The following RALGPS2 variants were observed in gnomAD, a reference collection of about 807,000 sequenced individuals.
RALGPS2 encodes ras-specific guanine nucleotide-releasing factor RalGPS2.
In RALGPS2, 43 loss-of-function variants were observed where a neutral mutation model predicts 86.8. That is an observed-to-expected ratio of 0.50 (90% confidence interval 0.39 to 0.64). RALGPS2 has a LOEUF of 0.64. Among genes scored for constraint, RALGPS2 ranks in the 30% least tolerant of loss-of-function variants. The pLI is 0.00. For synonymous variants in RALGPS2, 243 were observed against 231.3 expected (o/e 1.05, Z -0.46); for missense variants, 536 against 694.6 (o/e 0.77, Z 2.57).
intron 6 of RALGPS2, among the ~76,000 whole-genome samples, chr1:178,814,323 T>C (rs968527771): frequency 4.6e-5 from 7 of 152,238 alleles, no homozygotes; most frequent in Admixed American, 3.9e-4. Flanking sequence ...TTCTTGGCTA[T>C]TATGAGCCCT....
intron 8 of RALGPS2, among the ~76,000 whole-genome samples, chr1:178,843,096 GA>G (rs1384992241): frequency 2.4e-4 from 36 of 149,012 alleles, no homozygotes; most frequent in Admixed American, 2.4e-3. Flanking sequence ...TCAGTGTGGC[GA>G]TTCCTCAGGG....
At chr1:178,896,697 T>G (rs1313018740) in intron 16 of RALGPS2, among the ~76,000 whole-genome samples, 1 of 144,402 alleles carries the variant, frequency 6.9e-6, no homozygotes, top group African/African-American at 2.6e-5. Context: ...CACCTATGAG[T>G]GAGAATATGC....
chr1:178,754,162 A>T (rs985845306), intron 1 of RALGPS2, among the ~76,000 whole-genome samples: 3 of 151,872 alleles, frequency 2.0e-5, no homozygotes, highest in African/African-American at 7.3e-5. Context: ...CTTCTGTATA[A>T]TTTGGGAGAA....
chr1:178,847,052 T>G (rs181716891), intron 8 of RALGPS2, among the ~76,000 whole-genome samples: 2 of 152,348 alleles, frequency 1.3e-5, no homozygotes, highest in African/African-American at 4.8e-5. Context: ...CATTAAAATT[T>G]GGGGTATCTG....
intron 6 of RALGPS2, among the ~76,000 whole-genome samples, chr1:178,821,352 G>A (rs543120499): frequency 6.6e-6 from 1 of 152,202 alleles, no homozygotes; most frequent in Admixed American, 6.5e-5. Flanking sequence ...CATAACCTTG[G>A]TTTTCTTAAT....
intron 6 of RALGPS2, among the ~76,000 whole-genome samples, chr1:178,818,223 G>A (rs1383135358): frequency 1.3e-5 from 2 of 152,100 alleles, no homozygotes; most frequent in African/African-American, 4.8e-5. Context: ...AGCCATGCAT[G>A]GTGGGGCTCT....
chr1:178,911,246 A>G (rs1660611062), intron 19 of RALGPS2, among the ~76,000 whole-genome samples: 1 of 152,056 alleles, frequency 6.6e-6, no homozygotes, highest in Middle Eastern at 3.4e-3. Flanking sequence ...TCACATCTCA[A>G]TTTCATTCAC....
At chr1:178,728,961 A>G (rs1034088) in intron 1 of RALGPS2, among the ~76,000 whole-genome samples, 81,293 of 152,074 alleles carry the variant, frequency 0.53, 23,022 homozygotes, top group East Asian at 0.77. Context: ...GGAAGGATCT[A>G]TATATACATA....
chr1:178,815,634 C>G (rs1182683702), intron 6 of RALGPS2, among the ~76,000 whole-genome samples: 2 of 152,158 alleles, frequency 1.3e-5, no homozygotes, highest in African/African-American at 4.8e-5. Context: ...AGTGAACATT[C>G]TAGAGAACTG....
chr1:178,770,003 CAG>C (rs1172505666), intron 1 of RALGPS2, among the ~76,000 whole-genome samples: 1 of 148,690 alleles, frequency 6.7e-6, no homozygotes, highest in African/African-American at 2.5e-5. Flanking sequence ...TTAAAGCTTA[CAG>C]AGTCGATTGC....
chr1:178,793,297 T>C (rs1654045671), intron 4 of RALGPS2, among the ~76,000 whole-genome samples: 1 of 152,100 alleles, frequency 6.6e-6, no homozygotes, highest in African/African-American at 2.4e-5. Context: ...AAATACTTTA[T>C]AGATTTCTGA....
At chr1:178,905,091 G>A (rs899839063) in intron 18 of RALGPS2, among the ~76,000 whole-genome samples, 4 of 151,672 alleles carry the variant, frequency 2.6e-5, no homozygotes, top group East Asian at 1.9e-4. Flanking sequence ...ATTCCTAAGT[G>A]GTTTTTTGTT....
intron 8 of RALGPS2, chr1:178,865,344 T>G (rs1206057393): frequency 6.2e-7 from 1 of 1,614,000 alleles, no homozygotes; most frequent in African/African-American, 1.3e-5. Context: ...GAATTATCCC[T>G]CTTACGGATA....
intron 1 of RALGPS2, among the ~76,000 whole-genome samples, chr1:178,774,606 G>A (rs1316392313): frequency 6.6e-6 from 1 of 152,198 alleles, no homozygotes; most frequent in Non-Finnish European, 1.5e-5. Context: ...TTGCATAGCA[G>A]TATAAATATA....
intron 13 of RALGPS2, 80 bp from the exon 14 acceptor site, chr1:178,889,562 T>TA: frequency 1.1e-6 from 1 of 915,910 alleles, no homozygotes; most frequent in Middle Eastern, 2.2e-4. Context: ...GCATAGTTAA[T>TA]TAATTTATTT....
intron 4 of RALGPS2, among the ~76,000 whole-genome samples, chr1:178,806,774 TC>T (rs1304078500): frequency 6.6e-6 from 1 of 152,164 alleles, no homozygotes; most frequent in Non-Finnish European, 1.5e-5. Flanking sequence ...TAACTCGTTC[TC>T]TGCCCTAACT....
chr1:178,864,065 G>T (rs1248744224), intron 8 of RALGPS2, among the ~76,000 whole-genome samples: 1 of 152,112 alleles, frequency 6.6e-6, no homozygotes, highest in African/African-American at 2.4e-5. Flanking sequence ...GGATTCTGGG[G>T]AATGAGTTGT....
chr1:178,916,167 A>G (rs1023424461), intron 19 of RALGPS2, among the ~76,000 whole-genome samples, 163 bp from the exon 20 acceptor site: 2 of 152,230 alleles, frequency 1.3e-5, no homozygotes, highest in African/African-American at 4.8e-5. Context: ...AAAATGTTCT[A>G]GCATGTTAAT....
intron 8 of RALGPS2, among the ~76,000 whole-genome samples, chr1:178,874,309 T>C (rs1413611961): frequency 6.6e-6 from 1 of 152,170 alleles, no homozygotes; most frequent in African/African-American, 2.4e-5. Context: ...TTAATAGATA[T>C]TTTACATTAA....
Sources: allele counts gnomAD v4.1 joint callset (sites outside exome capture counted in the v4.1 genomes callset), GRCh38; gene constraint gnomAD v4.1.1; transcripts MANE v1.5; gene names NCBI Gene and HGNC (gene_info 2026-07-23, HGNC 2026-07-21).